Variants in SNPH observed in about 807,000 individuals in gnomAD.
SNPH encodes the protein syntaphilin.
In SNPH, 10 loss-of-function variants were observed where a neutral mutation model predicts 36.8. The observed-to-expected ratio is 0.27, with a 90% confidence interval of 0.17 to 0.46. SNPH has a LOEUF of 0.46. Ranked by LOEUF, SNPH falls within the 20% of genes least tolerant of loss-of-function variation. The pLI, the probability that SNPH is intolerant of heterozygous loss-of-function variation, is 1.00. For synonymous variants in SNPH, 281 were observed against 312.2 expected (o/e 0.90, Z 1.05); for missense variants, 622 against 744.0 (o/e 0.84, Z 1.91).
At chr20:1,273,768 G>A (rs2088098847) in intron 2 of SNPH, among the ~76,000 whole-genome samples, 1 of 152,118 alleles carries the variant, frequency 6.6e-6, no homozygotes, top group African/African-American at 2.4e-5. Flanking sequence ...CAGAAGAAAG[G>A]CAACGTAAAG....
intron 4 of SNPH, 191 bp from the exon 5 acceptor site, chr20:1,296,954 T>A (rs1394529294): frequency 1.3e-6 from 1 of 741,246 alleles, no homozygotes; most frequent in Admixed American, 6.3e-5. Context: ...AGCCTTCTTC[T>A]GGTTTTCCAT....
chr20:1,303,669 C>T (rs941768891), intron 6 of SNPH, among the ~76,000 whole-genome samples: 4 of 152,172 alleles, frequency 2.6e-5, no homozygotes, highest in African/African-American at 7.2e-5. Flanking sequence ...CCCCTCAGCC[C>T]CCAGTCCCTC....
chr20:1,275,260 C>T lies in SNPH; in HGVS notation c.-493+8500C>T, dbSNP rs527716025. On this transcript the variant is annotated intron_variant, in intron 2 of 6. Transcript: ENST00000381867. ...ATTTTCTCATCTGCCAAAGAGAAAT[C>T]GATTATTCCTGCCTGAGAGGAGACG... is the stretch of plus-strand genomic sequence containing the variant. Among the ~76,000 whole-genome samples the T allele has an allele frequency of 3.9e-5, 6 of 152,160 alleles. No individual in the cohort carries two copies. The East Asian group carries it at 5.8e-4, about 15-fold the overall frequency.
At chr20:1,269,475 C>T (rs955628343) in intron 2 of SNPH, among the ~76,000 whole-genome samples, 1 of 152,190 alleles carries the variant, frequency 6.6e-6, no homozygotes, top group African/African-American at 2.4e-5. Flanking sequence ...TATCCGACAC[C>T]AGGTCTGTCT....
chr20:1,301,005 G>A (rs1411958575), intron 6 of SNPH, among the ~76,000 whole-genome samples: 1 of 152,228 alleles, frequency 6.6e-6, no homozygotes, highest in Non-Finnish European at 1.5e-5. Flanking sequence ...CTTCAGCCTG[G>A]CAGCTCCTTT....
At chr20:1,275,584 C>A (rs764911696) in intron 2 of SNPH, among the ~76,000 whole-genome samples, 1 of 152,152 alleles carries the variant, frequency 6.6e-6, no homozygotes, top group Non-Finnish European at 1.5e-5. Flanking sequence ...GGCTGAGCTA[C>A]CAAATACCTG....
At chr20:1,299,669 GT>G (rs1324674982) in intron 5 of SNPH, among the ~76,000 whole-genome samples, 1 of 152,232 alleles carries the variant, frequency 6.6e-6, no homozygotes, top group African/African-American at 2.4e-5. Context: ...CAGTGGACAG[GT>G]CCCTGCCCAG....
Position 1,297,157 on chromosome 20 carries a change from A to G in SNPH, c.195A>G (p.Pro65=). 6.2e-7 allele frequency: 1 copy of G among 1,612,952 alleles called. No individual in the cohort carries two copies. The highest frequency in any genetic ancestry group is 1.1e-5 in the South Asian group (1 of 90,898). ...TTCCTGCCTCCAGGCGCACCTCTCC[A>G]CCTGTGAGCGTGCGGGATGCCTACG... ...TSAGSRRRTS[P]PVSVRDAYGT... Residue 65 remains proline (P), a synonymous_variant, in exon 5 of 7, where the codon CCA becomes CCG. Transcript: ENST00000381867.
intron 6 of SNPH, among the ~76,000 whole-genome samples, chr20:1,302,740 A>G (rs1336327431): frequency 6.6e-6 from 1 of 152,252 alleles, no homozygotes; most frequent in Admixed American, 6.5e-5. Context: ...ATGCATGACC[A>G]CATCGTTCTT....
rs1352299411 is a variant in SNPH, at chr20:1,278,096, ATG to A, written c.-493+11344_-493+11345del. 1.2e-4 allele frequency among the ~76,000 whole-genome samples: 9 copies of A among 72,886 alleles called. No homozygotes were observed. The South Asian group carries it at 2.2e-3, about 18-fold the overall frequency. 47.8% of individuals were successfully genotyped at this position (72,886 alleles called of 152,430 possible). ...TCTGTGTGTGTCTCTGTGTGTGCCT[ATG>A]TGTGTGTCTGTTTGTGTGTGTATCT... On this transcript the variant is annotated intron_variant, in intron 2 of 6. Coordinates refer to ENST00000381867, the MANE Select transcript of SNPH (RefSeq NM_001318234.2).
chr20:1,270,819 AT>A (rs2088064360), intron 2 of SNPH, among the ~76,000 whole-genome samples: 1 of 152,178 alleles, frequency 6.6e-6, no homozygotes. Flanking sequence ...AGGTGAAGTC[AT>A]TTGCCTAAGA....
chr20:1,299,681 A>G (rs2088481376), intron 5 of SNPH, among the ~76,000 whole-genome samples: 1 of 152,182 alleles, frequency 6.6e-6, no homozygotes, highest in South Asian at 2.1e-4. Context: ...CCCTGCCCAG[A>G]GCCGGCAGGT....
In SNPH at chr20:1,306,854, G is replaced by A. The variant is rs1216852471; in HGVS notation, c.*800G>A. ...TGCTGGGGTAGGAGGGCCTGCCTGA[G>A]TCCCAGCTCCCAGCTGGAGAATCCA... On this transcript the variant is annotated 3_prime_UTR_variant, in exon 7 of 7. Transcript: ENST00000381867. The A allele has an allele frequency of 6.6e-6, 1 of 152,326 alleles. No homozygotes were observed. Among genetic ancestry groups the A allele is most frequent in the East Asian group, 1.9e-4 (1 of 5,196 alleles). The allele number at this position is 152,326 out of a possible 1,614,324, so 9.4% of individuals were successfully genotyped here.
chr20:1,279,615 C>CTTTTTTTTTTTTTTTTTT (rs1259483361), intron 2 of SNPH, among the ~76,000 whole-genome samples: 2 of 111,630 alleles, frequency 1.8e-5, no homozygotes, highest in African/African-American at 6.1e-5. Context: ...GAGACTCCGG[C>CTTTTTTTTTTTTTTTTTT]TTCTTTTTTT....
chr20:1,276,432 G>A lies in SNPH; in HGVS notation c.-493+9672G>A, dbSNP rs2088132758. On this transcript the variant is annotated intron_variant, in intron 2 of 6. Transcript: ENST00000381867. The surrounding 1 kb of genome is among the most constrained non-coding windows in gnomAD (Gnocchi z 4.6). ...GCGCAGGTTGGAGTTGGATACACTT[G>A]GACTGCTGTCTCCGTCTCTGCCGTG... Among the ~76,000 whole-genome samples, 2 of 152,182 alleles carry A rather than the reference G, an allele frequency of 1.3e-5. No individual in the cohort carries two copies. Among genetic ancestry groups the A allele is most frequent in the Admixed American group, 6.5e-5 (1 of 15,286 alleles).
At chr20:1,273,238 G>A (rs1242661464) in intron 2 of SNPH, among the ~76,000 whole-genome samples, 1 of 152,174 alleles carries the variant, frequency 6.6e-6, no homozygotes, top group Non-Finnish European at 1.5e-5. Flanking sequence ...AGAGCCTAGA[G>A]TGTTCTTAGA....
rs1472910236 is a variant in SNPH at position 1,285,171 on chromosome 20, T to G, written c.-492-9780T>G. On this transcript the variant is annotated intron_variant, in intron 2 of 6. Coordinates refer to ENST00000381867, the MANE Select transcript of SNPH (RefSeq NM_001318234.2). This position sits in a 1 kb window ranked among gnomAD's most constrained non-coding sequence, Gnocchi z 4.9. ...ATGATGGGATTGCCATTAACTGAAATGAGGGAAGCTGCAGAAAAACAGATT... is the reference window on the plus strand; with the variant it reads ...ATGATGGGATTGCCATTAACTGAAAGGAGGGAAGCTGCAGAAAAACAGATT... Among the ~76,000 whole-genome samples, 5 of 152,112 alleles carry G rather than the reference T, an allele frequency of 3.3e-5. No individual in the cohort carries two copies. The highest frequency in any genetic ancestry group is 7.4e-5 in the Non-Finnish European group (5 of 68,016).
At position 1,296,990 on chromosome 20, in the gene SNPH, A is replaced by AC. The variant is rs2088444112; in HGVS notation, c.183-151dup. 3.3e-6 allele frequency: 3 copies of AC among 909,570 alleles called. No individual in the cohort carries two copies. The South Asian group carries it at 1.5e-4, about 47-fold the overall frequency. The allele number at this position is 909,570 out of a possible 1,614,324, so 56.3% of individuals were successfully genotyped here. On this transcript the variant is annotated intron_variant, in intron 4 of 6. Transcript: ENST00000381867. ...CTTGATTTGCACTGTCTGTTCTGTC[A>AC]CCCCTGTCTGTGCGTCTCTCTCTCC...
rs974081875 is a variant in SNPH, at chr20:1,305,582, G to A, written c.1145G>A (p.Cys382Tyr). The part of the protein sequence containing the change: ...ILEKVTQAQV[C>Y]GTDPESGDRC... ...GAGAAAGTGACCCAGGCCCAGGTCT[G>A]TGGGACAGACCCTGAGTCAGGGGAC... is the stretch of plus-strand genomic sequence containing the variant. Residue 382 changes from cysteine to tyrosine, a missense_variant, in exon 7 of 7, where the codon TGT becomes TAT. Physicochemically the swap from Cys to Tyr is radical, Grantham distance 194 (BLOSUM62 -2). This residue lies in a region of SNPH where 379 missense variants were observed against 427.9 expected (regional missense o/e 0.89). Transcript: ENST00000381867. 1.2e-6 allele frequency: 2 copies of A among 1,613,442 alleles called. No individual in the cohort carries two copies. The highest frequency in any genetic ancestry group is 2.7e-5 in the African/African-American group (2 of 74,954).
Sources: gnomAD v4.1 joint callset for allele counts (sites outside exome capture counted in the v4.1 genomes callset) on GRCh38, gnomAD v4.1.1 for gene constraint, gnomAD v4.1.1 regional missense constraint, Gnocchi (gnomAD v3.1) non-coding constraint, MANE v1.5 for transcripts, NCBI Gene and HGNC (gene_info 2026-07-23, HGNC 2026-07-21) for gene names.